SYNM: variants seen among roughly 807,000 people sequenced by gnomAD.
SYNM encodes synemin.
Under a neutral mutation model 104.0 loss-of-function variants are expected in SYNM, and 95 were observed. The observed-to-expected ratio is 0.91, with a 90% confidence interval of 0.77 to 1.08. The LOEUF (loss-of-function observed/expected upper bound fraction) is 1.08. SYNM is among the 50% of genes least tolerant of loss of function. The pLI is 0.00. For missense variants in SYNM, 2,150 were observed against 2,052.2 expected, an observed-to-expected ratio of 1.05 and a Z score of -0.92; for synonymous variants, 918 against 869.0, an observed-to-expected ratio of 1.06 and a Z score of -0.99.
chr15:99,130,984 G>A lies in SYNM; in HGVS notation c.2624G>A (p.Arg875Lys). Residue 875 changes from arginine (R) to lysine (K), a missense_variant, in exon 4 of 4, where the codon AGG becomes AAG. Transcript: ENST00000336292. The part of the protein sequence containing the change: ...WQDEIVQGTR[R>K]RTQKDGAVGE... The stretch of plus-strand genomic sequence containing the variant: ...GATGAAATCGTGCAGGGGACTCGAA[G>A]GAGGACACAGAAGGACGGTGCAGTG... The A allele has an allele frequency of 6.2e-7, 1 of 1,613,846 alleles. No homozygotes were observed. The highest frequency in any genetic ancestry group is 8.5e-7 in the Non-Finnish European group (1 of 1,179,818).
rs2067500573 is a variant in SYNM, at chr15:99,131,120, C to T, written c.2760C>T (p.Pro920=). The T allele has an allele frequency of 2.5e-6, 4 of 1,600,902 alleles. No individual in the cohort carries two copies. In the African/African-American group the frequency reaches 4.0e-5, roughly 16 times the overall value. The change falls in exon 4 of 4, where the codon CCC becomes CCT. Residue 920 remains proline, a synonymous_variant. Coordinates refer to ENST00000336292, the MANE Select transcript of SYNM (RefSeq NM_145728.3). This position sits in a 1 kb window ranked among gnomAD's most constrained non-coding sequence, Gnocchi z 4.3. ...GAAGCGGTGAATTTCATGCCGAACC[C>T]ACAGTCATTGAAAAAGAAATTAAAA... ...QARSGEFHAE[P]TVIEKEIKIP...
chr15:99,105,159 AG>A lies in SYNM; in HGVS notation c.-38del. On this transcript the variant is annotated 5_prime_UTR_variant, in exon 1 of 4. Transcript: ENST00000336292. ...GAGACCGGGACAAGACCAGGGCAGG[AG>A]GGAGCCGGCCAGCCGCGAGAACCCC... 1 of 1,552,972 alleles carries A rather than the reference AG, an allele frequency of 6.4e-7. No individual in the cohort carries two copies. The highest frequency in any genetic ancestry group is 8.7e-7 in the Non-Finnish European group (1 of 1,155,008).
At chr15:99,109,203 C>G (rs1262080300) in intron 1 of SYNM, among the ~76,000 whole-genome samples, 1 of 152,182 alleles carries the variant, frequency 6.6e-6, no homozygotes, top group African/African-American at 2.4e-5. Flanking sequence ...TTGGCCTGCC[C>G]CAGGCCTGGC....
intron 2 of SYNM, among the ~76,000 whole-genome samples, chr15:99,117,362 G>A (rs72756832): frequency 0.028 from 4,213 of 152,232 alleles, 86 homozygotes; most frequent in Non-Finnish European, 0.043. Context: ...CCCATCACTG[G>A]CCAGAGGAAT....
chr15:99,137,665 G>A, downstream of SYNM: 1 of 252,876 alleles, frequency 4.0e-6, no homozygotes, highest in South Asian at 7.0e-5. Flanking sequence ...AAGGAGCTGT[G>A]TGTACAAGCA....
intron 2 of SYNM, 76 bp from the exon 3 acceptor site, chr15:99,126,646 C>G: frequency 7.2e-7 from 1 of 1,384,150 alleles, no homozygotes; most frequent in Non-Finnish European, 1.0e-6. Flanking sequence ...TGGCCGCATA[C>G]CACGATACGT....
intron 1 of SYNM, among the ~76,000 whole-genome samples, chr15:99,112,255 A>G (rs1410060467): frequency 6.6e-6 from 1 of 152,200 alleles, no homozygotes; most frequent in African/African-American, 2.4e-5. Context: ...TTATAGGTCT[A>G]GCTTAGTTTA....
intron 2 of SYNM, among the ~76,000 whole-genome samples, chr15:99,116,970 T>C (rs1555484033): frequency 1.4e-5 from 2 of 144,004 alleles, no homozygotes; most frequent in African/African-American, 5.0e-5. Context: ...CCCCTGTGCC[T>C]AGCCGGTGCT....
Position 99,130,790 on chromosome 15 carries a change from G to A in SYNM, c.2430G>A (p.Glu810=), listed in dbSNP as rs2067494607. Residue 810 remains glutamate, a synonymous_variant, in exon 4 of 4, where the codon GAG becomes GAA. Transcript: ENST00000336292. ...ATCGAAGGACCAAGCAGCCTCAGGA[G>A]AACACGACTCACGTGGAAGAAGTGA... is the stretch of plus-strand genomic sequence containing the variant. ...NQHRRTKQPQ[E]NTTHVEEVTE... The A allele has an allele frequency of 6.2e-7, 1 of 1,613,980 alleles. No homozygotes were observed. The highest frequency in any genetic ancestry group is 1.1e-5 in the South Asian group (1 of 91,076).
chr15:99,128,171 A>G (rs1046363826), intron 3 of SYNM, among the ~76,000 whole-genome samples: 4 of 152,208 alleles, frequency 2.6e-5, no homozygotes, highest in Non-Finnish European at 5.9e-5. Context: ...GAGCTTCTAG[A>G]TAGTTCTGTT....
At chr15:99,119,228 G>C (rs906762) in intron 2 of SYNM, among the ~76,000 whole-genome samples, 83,185 of 151,856 alleles carry the variant, frequency 0.55, 22,972 homozygotes, top group Middle Eastern at 0.63. Flanking sequence ...AACCTCCCTG[G>C]ATGATTGTCA....
Position 99,130,284 on chromosome 15 carries a change from A to G in SYNM, c.1924A>G (p.Ile642Val), listed in dbSNP as rs782509977. 45 of 1,613,818 alleles carry G rather than the reference A, an allele frequency of 2.8e-5. No individual in the cohort carries two copies. Among genetic ancestry groups the G allele is most frequent in the Non-Finnish European group, 3.8e-5 (45 of 1,179,878 alleles). Residue 642 changes from isoleucine (I) to valine (V), a missense_variant, in exon 4 of 4, where the codon ATC becomes GTC. Physicochemically the swap from Ile to Val is conservative, Grantham distance 29 (BLOSUM62 3). Transcript: ENST00000336292. Reference protein sequence around the residue: ...DSMTETVAENIVTSILKQFTQ... With the variant: ...DSMTETVAENVVTSILKQFTQ... ...CATGACAGAAACCGTAGCAGAAAAC[A>G]TCGTTACCAGTATCCTGAAGCAGTT...
chr15:99,123,814 C>G (rs1021295825), intron 2 of SYNM, among the ~76,000 whole-genome samples: 32 of 152,284 alleles, frequency 2.1e-4, no homozygotes, highest in African/African-American at 7.0e-4. Context: ...CTGCACAGAG[C>G]AGTGGCCTTG....
chr15:99,137,911 T>A, downstream of SYNM: 2 of 1,555,360 alleles, frequency 1.3e-6, no homozygotes, highest in African/African-American at 2.7e-5. Flanking sequence ...GAAATCTGTA[T>A]CCTGACTGTT....
chr15:99,130,772 G>A lies in SYNM; in HGVS notation c.2412G>A (p.Arg804=). 6.2e-7 allele frequency: 1 copy of A among 1,613,978 alleles called. No individual in the cohort carries two copies. The highest frequency in any genetic ancestry group is 1.1e-5 in the South Asian group (1 of 91,072). Residue 804 remains arginine, a synonymous_variant, in exon 4 of 4, where the codon AGG becomes AGA. Coordinates refer to ENST00000336292, the MANE Select transcript of SYNM (RefSeq NM_145728.3). ...DVTFSVNQHR[R]TKQPQENTTH... is the part of the protein sequence containing the mutation. ...CATTCTCAGTTAATCAGCATCGAAG[G>A]ACCAAGCAGCCTCAGGAGAACACGA... is the stretch of plus-strand genomic sequence containing the variant.
chr15:99,111,256 A>G (rs1324167252), intron 1 of SYNM, among the ~76,000 whole-genome samples: 7 of 152,176 alleles, frequency 4.6e-5, no homozygotes, highest in Non-Finnish European at 1.0e-4. Flanking sequence ...GTTTAACAAC[A>G]TTTGAACTTC....
chr15:99,125,157 G>A (rs930475922), intron 2 of SYNM, among the ~76,000 whole-genome samples: 4 of 152,224 alleles, frequency 2.6e-5, no homozygotes, highest in Admixed American at 6.5e-5. Flanking sequence ...GAGCCAGGCC[G>A]GGAGGATCTG....
chr15:99,120,849 G>A lies in SYNM; in HGVS notation c.936-5873G>A, dbSNP rs531135540. Among the ~76,000 whole-genome samples, 40 of 152,202 alleles carry A rather than the reference G, an allele frequency of 2.6e-4. 2 individuals are homozygous for A. The South Asian group carries it at 8.1e-3, about 31-fold the overall frequency. ...GGAGAGAGGGAGAGGGACTATAGGG[G>A]GTAGTGTGGCAGGAGGGACACAGTA... On this transcript the variant is annotated intron_variant, in intron 2 of 3. Transcript: ENST00000336292.
At chr15:99,114,349 G>T (rs994467812) in intron 2 of SYNM, among the ~76,000 whole-genome samples, 1 of 152,050 alleles carries the variant, frequency 6.6e-6, no homozygotes, top group Non-Finnish European at 1.5e-5. Context: ...CATGAGAACA[G>T]CGTGGGGAAA....
Sources: allele counts gnomAD v4.1 joint callset (sites outside exome capture counted in the v4.1 genomes callset), GRCh38; gene constraint gnomAD v4.1.1; non-coding constraint Gnocchi (gnomAD v3.1); transcripts MANE v1.5; gene names NCBI Gene and HGNC (gene_info 2026-07-23, HGNC 2026-07-21).